CYYR1: variants seen among roughly 807,000 people sequenced by gnomAD.
CYYR1 encodes the protein cysteine and tyrosine-rich protein 1.
Under a neutral mutation model 15.2 loss-of-function variants are expected in CYYR1, and 14 were observed. The ratio of observed to expected loss-of-function variants is 0.92; its 90% CI spans 0.61 to 1.44. CYYR1 has a LOEUF of 1.44. CYYR1 is among the 40% of genes most tolerant of loss of function. CYYR1 has a pLI of 0.00. For missense variants in CYYR1, 228 were observed against 209.5 expected (o/e 1.09, Z -0.54); for synonymous variants, 80 against 77.4 (o/e 1.03, Z -0.18).
At chr21:26,555,565 G>A (rs768324314) in intron 2 of CYYR1, among the ~76,000 whole-genome samples, 2 of 151,988 alleles carry the variant, frequency 1.3e-5, no homozygotes, top group African/African-American at 4.8e-5. Flanking sequence ...ATTACTGTAG[G>A]GTCTTTTTCT....
chr21:26,547,234 T>C (rs1473571949), intron 2 of CYYR1, among the ~76,000 whole-genome samples: 5 of 152,118 alleles, frequency 3.3e-5, no homozygotes, highest in Non-Finnish European at 7.4e-5. Context: ...CTCAATTCCC[T>C]GTCTCTCTCC....
In CYYR1 at chr21:26,480,412, C is replaced by G; in HGVS notation, c.194G>C (p.Gly65Ala). The change falls in exon 3 of 4, where the codon GGC (glycine) becomes GCC (alanine). Residue 65 changes from glycine (G) to alanine (A), a missense_variant. Physicochemically the swap from Gly to Ala is moderately conservative, Grantham distance 60 (BLOSUM62 0). Transcript: ENST00000652641. ...GNILSGTAIA[G>A]IVFGIVFIMG... is the part of the protein sequence containing the mutation. The stretch of plus-strand genomic sequence containing the variant: ...GATAAATACTATTCCAAAAACAATG[C>G]CCGCAATTGCAGTGCCCCTAAAAGG... 1 of 1,611,574 alleles carries G rather than the reference C, an allele frequency of 6.2e-7. No homozygotes were observed. The highest frequency in any genetic ancestry group is 8.5e-7 in the Non-Finnish European group (1 of 1,178,970).
chr21:26,572,268 GTTAA>G (rs1221729269), intron 1 of CYYR1, among the ~76,000 whole-genome samples: 7 of 152,162 alleles, frequency 4.6e-5, no homozygotes, highest in Non-Finnish European at 7.3e-5. Context: ...ACTTTGCTTC[GTTAA>G]TTATTAGCAG....
intron 3 of CYYR1, among the ~76,000 whole-genome samples, chr21:26,475,455 G>A (rs1025053849): frequency 2.0e-5 from 3 of 152,058 alleles, no homozygotes; most frequent in African/African-American, 4.8e-5. Flanking sequence ...CTATACTTGT[G>A]TACCAAATTC....
chr21:26,572,409 T>A (rs1569183713), intron 1 of CYYR1, among the ~76,000 whole-genome samples: 1 of 152,216 alleles, frequency 6.6e-6, no homozygotes, highest in Non-Finnish European at 1.5e-5. Flanking sequence ...ACCTTGTGTT[T>A]GACTTCAGTC....
At chr21:26,559,360 G>A (rs1467033122) in intron 2 of CYYR1, among the ~76,000 whole-genome samples, 2 of 152,090 alleles carry the variant, frequency 1.3e-5, no homozygotes, top group Non-Finnish European at 2.9e-5. Flanking sequence ...TCTTCTCCAA[G>A]TGAGGGTTTG....
chr21:26,567,216 C>A (rs1465069473), intron 1 of CYYR1, among the ~76,000 whole-genome samples: 2 of 152,064 alleles, frequency 1.3e-5, no homozygotes, highest in South Asian at 2.1e-4. Flanking sequence ...TGTGTGGTAA[C>A]ACAATGAGTC....
chr21:26,481,012 A>T (rs1192150218), intron 2 of CYYR1, among the ~76,000 whole-genome samples: 1 of 152,182 alleles, frequency 6.6e-6, no homozygotes, highest in Non-Finnish European at 1.5e-5. Context: ...AAGAACATAA[A>T]TAAAACTTCG....
At chr21:26,481,429 T>C (rs2065178673) in intron 2 of CYYR1, among the ~76,000 whole-genome samples, 1 of 152,082 alleles carries the variant, frequency 6.6e-6, no homozygotes, top group African/African-American at 2.4e-5. Flanking sequence ...TCCACATGGA[T>C]TGAAGTGAAA....
At chr21:26,559,103 T>C (rs1478985515) in intron 2 of CYYR1, among the ~76,000 whole-genome samples, 1 of 152,200 alleles carries the variant, frequency 6.6e-6, no homozygotes, top group Admixed American at 6.5e-5. Flanking sequence ...GAGAGCCCTT[T>C]TATCTTTGCC....
At position 26,566,377 on chromosome 21, in the gene CYYR1, C is replaced by T. The variant is rs760519249; in HGVS notation, c.74-9G>A. The T allele has an allele frequency of 2.5e-6, 4 of 1,601,428 alleles. No individual in the cohort carries two copies. The East Asian group carries it at 8.9e-5, about 36-fold the overall frequency. On this transcript the variant is annotated splice_polypyrimidine_tract_variant and intron_variant, in intron 1 of 3. Transcript: ENST00000652641. ...CTGAGCAAGGCAATCATCTACAAAACAAAAACCACTTGTGAGCAGTTATAG... is the reference window on the plus strand; with the variant it reads ...CTGAGCAAGGCAATCATCTACAAAATAAAAACCACTTGTGAGCAGTTATAG...
chr21:26,477,911 G>A (rs1383644742), intron 3 of CYYR1: 1 of 1,301,426 alleles, frequency 7.7e-7, no homozygotes, highest in Admixed American at 3.9e-5. Flanking sequence ...TTGCAAGTTG[G>A]GAATATTTGA....
chr21:26,506,340 G>A (rs111746552), intron 2 of CYYR1, among the ~76,000 whole-genome samples: 1,700 of 152,248 alleles, frequency 0.011, 31 homozygotes, highest in African/African-American at 0.038. Context: ...CTGACATTGA[G>A]GGGGCTTTCT....
At chr21:26,545,646 C>A (rs1474189594) in intron 2 of CYYR1, among the ~76,000 whole-genome samples, 1 of 135,548 alleles carries the variant, frequency 7.4e-6, no homozygotes, top group African/African-American at 2.8e-5. Flanking sequence ...CGGCTCACTG[C>A]AAGCTCCGCC....
In CYYR1 at chr21:26,573,124, C is replaced by A; in HGVS notation, c.-184G>T. 6.7e-7 allele frequency: 1 copy of A among 1,501,182 alleles called. No homozygotes were observed. Among genetic ancestry groups the A allele is most frequent in the Non-Finnish European group, 8.8e-7 (1 of 1,130,260 alleles). 93.0% of individuals were successfully genotyped at this position (1,501,182 alleles called of 1,614,324 possible). ...CGGGCGCGTCCCGGGCCAGCGACTGCGGGACTCCGCGGAGCTGGGGCGCCC... is the reference window on the plus strand; with the variant it reads ...CGGGCGCGTCCCGGGCCAGCGACTGAGGGACTCCGCGGAGCTGGGGCGCCC... On this transcript the variant is annotated 5_prime_UTR_variant, in exon 1 of 4. Coordinates refer to ENST00000652641, the MANE Select transcript of CYYR1 (RefSeq NM_001320768.2).
chr21:26,478,319 G>A (rs1377889727), intron 3 of CYYR1, among the ~76,000 whole-genome samples: 1 of 152,098 alleles, frequency 6.6e-6, no homozygotes, highest in African/African-American at 2.4e-5. Flanking sequence ...CTCCATTCAG[G>A]AGGTGACCTT....
intron 2 of CYYR1, among the ~76,000 whole-genome samples, chr21:26,491,975 T>C (rs540024493): frequency 2.4e-4 from 37 of 152,312 alleles, no homozygotes; most frequent in African/African-American, 7.7e-4. Flanking sequence ...CTCACAAGCC[T>C]GAGGCTGCCC....
chr21:26,508,447 G>T (rs988051496), intron 2 of CYYR1, among the ~76,000 whole-genome samples: 5 of 152,066 alleles, frequency 3.3e-5, no homozygotes, highest in African/African-American at 1.2e-4. Flanking sequence ...TGAGGGGGTA[G>T]GTAAAAGAAA....
intron 3 of CYYR1, among the ~76,000 whole-genome samples, chr21:26,473,392 A>ACATGC (rs1163082766): frequency 6.6e-6 from 1 of 152,156 alleles, no homozygotes; most frequent in African/African-American, 2.4e-5. Flanking sequence ...CAATGGCCTA[A>ACATGC]CATGCAAAGA....
Sources: allele counts gnomAD v4.1 joint callset (sites outside exome capture counted in the v4.1 genomes callset), GRCh38; gene constraint gnomAD v4.1.1; transcripts MANE v1.5; gene names NCBI Gene and HGNC (gene_info 2026-07-23, HGNC 2026-07-21).